NTRK2: variants seen among roughly 807,000 people sequenced by gnomAD.
The protein encoded by NTRK2 is neurotrophic receptor tyrosine kinase 2.
Under a neutral mutation model 94.5 loss-of-function variants are expected in NTRK2, and 13 were observed. The observed-to-expected ratio is 0.14, with a 90% CI of 0.09 to 0.22. The LOEUF is 0.22. Ranked by LOEUF, NTRK2 falls within the 10% of genes least tolerant of loss-of-function variation. NTRK2 has a pLI of 1.00. For synonymous variants in NTRK2, 372 were observed against 407.4 expected (o/e 0.91, Z 1.05); for missense variants, 639 against 1,071.2 (o/e 0.60, Z 5.63).
intron 14 of NTRK2, among the ~76,000 whole-genome samples, chr9:84,915,949 C>T (rs2077380155): frequency 6.6e-6 from 1 of 152,042 alleles, no homozygotes; most frequent in Non-Finnish European, 1.5e-5. Context: ...AGGCATTTGA[C>T]TTTGGGATAA....
chr9:84,737,589 C>T (rs2063345217), intron 9 of NTRK2, among the ~76,000 whole-genome samples: 1 of 152,136 alleles, frequency 6.6e-6, no homozygotes. Context: ...CCCTGGGAAG[C>T]TTTGTCAGGA....
chr9:84,934,470 A>G (rs116629472), intron 15 of NTRK2, among the ~76,000 whole-genome samples, 178 bp downstream of exon 15: 1 of 152,196 alleles, frequency 6.6e-6, no homozygotes, highest in Non-Finnish European at 1.5e-5. Flanking sequence ...GGCACATCCA[A>G]CTGTCAGAGG....
intron 12 of NTRK2, among the ~76,000 whole-genome samples, chr9:84,766,673 C>A (rs555751535): frequency 1.3e-4 from 19 of 151,916 alleles, no homozygotes; most frequent in South Asian, 6.3e-4. Flanking sequence ...ACTCAACACA[C>A]AAACACACAC....
chr9:84,717,575 A>T (rs1056293862), intron 6 of NTRK2, among the ~76,000 whole-genome samples: 4 of 152,244 alleles, frequency 2.6e-5, no homozygotes, highest in Non-Finnish European at 5.9e-5. Flanking sequence ...CTATTTAGTC[A>T]TAATACTTGA....
chr9:84,832,643 G>A (rs1395553706), intron 12 of NTRK2, among the ~76,000 whole-genome samples: 1 of 152,180 alleles, frequency 6.6e-6, no homozygotes, highest in South Asian at 2.1e-4. Context: ...GGCTCCAGCT[G>A]TGTATTACGC....
At chr9:84,785,225 C>T (rs1259347511) in intron 12 of NTRK2, among the ~76,000 whole-genome samples, 1 of 152,168 alleles carries the variant, frequency 6.6e-6, no homozygotes, top group Non-Finnish European at 1.5e-5. Context: ...CTCCTCCCAC[C>T]CTCCATCACA....
chr9:84,958,077 C>T lies in NTRK2; in HGVS notation c.2172+2560C>T, dbSNP rs187641265. On this transcript the variant is annotated intron_variant, in intron 17 of 18. Coordinates refer to ENST00000277120, the MANE Select transcript of NTRK2 (RefSeq NM_006180.6). The stretch of plus-strand genomic sequence containing the variant: ...AGACAGGAAGTAGATTAATGGTTAC[C>T]GGGAGATGGGGGCAGGGAAGAATGG... 1.7e-3 allele frequency among the ~76,000 whole-genome samples: 261 copies of T among 151,846 alleles called. 1 individual carries two copies. The highest frequency in any genetic ancestry group is 2.8e-3 in the Non-Finnish European group (192 of 67,950).
At chr9:84,682,973 C>T (rs552609661) in intron 2 of NTRK2, among the ~76,000 whole-genome samples, 1 of 152,146 alleles carries the variant, frequency 6.6e-6, no homozygotes, top group African/African-American at 2.4e-5. Flanking sequence ...CTTGTGTCCT[C>T]ACATGGCAGA....
rs1832200356 is a variant in NTRK2 at position 85,016,138 on chromosome 9, G to C, written c.2173-4068G>C. On this transcript the variant is annotated intron_variant, in intron 17 of 18. Coordinates refer to ENST00000277120, the MANE Select transcript of NTRK2 (RefSeq NM_006180.6). ...TGATTACGGTGGCACTGAGGTGGTG[G>C]GTGATTCCGGAACCACGGCGTTTTT... Among the ~76,000 whole-genome samples the C allele has an allele frequency of 4.6e-5, 7 of 152,258 alleles. No individual in the cohort carries two copies. In the South Asian group the frequency reaches 1.2e-3, roughly 27 times the overall value.
At chr9:84,968,981 T>C (rs1825879329) in intron 17 of NTRK2, among the ~76,000 whole-genome samples, 1 of 152,226 alleles carries the variant, frequency 6.6e-6, no homozygotes, top group South Asian at 2.1e-4. Context: ...TGTGGGGGCA[T>C]ATATGATACA....
At chr9:84,716,400 T>C (rs1234391669) in intron 6 of NTRK2, among the ~76,000 whole-genome samples, 1 of 152,218 alleles carries the variant, frequency 6.6e-6, no homozygotes, top group African/African-American at 2.4e-5. Flanking sequence ...AGAATTACTT[T>C]TGGTTTCAAC....
chr9:84,918,746 G>A (rs891361998), intron 14 of NTRK2, among the ~76,000 whole-genome samples: 5 of 152,122 alleles, frequency 3.3e-5, no homozygotes, highest in African/African-American at 7.2e-5. Context: ...TAATTCTTTC[G>A]TTCCGATTAT....
At chr9:84,809,898 A>AG (rs1027707288) in intron 12 of NTRK2, among the ~76,000 whole-genome samples, 2 of 150,660 alleles carry the variant, frequency 1.3e-5, no homozygotes, top group African/African-American at 2.5e-5. Context: ...AAAAAAAAAA[A>AG]AAAAGAAAGA....
intron 2 of NTRK2, among the ~76,000 whole-genome samples, chr9:84,692,172 A>G (rs1170311144): frequency 6.6e-6 from 1 of 152,146 alleles, no homozygotes; most frequent in Non-Finnish European, 1.5e-5. Context: ...GACCTATGAA[A>G]GATCTGAGAC....
At chr9:84,995,783 GA>G (rs1829682952) in intron 17 of NTRK2, among the ~76,000 whole-genome samples, 1 of 152,218 alleles carries the variant, frequency 6.6e-6, no homozygotes, top group Non-Finnish European at 1.5e-5. Context: ...CAACTAAACA[GA>G]AACTCGAGGT....
chr9:84,728,799 G>A (rs780467037), intron 9 of NTRK2, among the ~76,000 whole-genome samples: 8 of 152,226 alleles, frequency 5.3e-5, no homozygotes, highest in Non-Finnish European at 1.2e-4. Context: ...CACAGCAGGA[G>A]CGTGTCAGTG....
chr9:84,872,811 C>T (rs1016956371), intron 14 of NTRK2: 10 of 1,064,476 alleles, frequency 9.4e-6, no homozygotes, highest in Non-Finnish European at 9.1e-6. Flanking sequence ...CCAGCTAGGC[C>T]TGAGGAAAGA....
chr9:84,722,402 A>G (rs1220715893), intron 6 of NTRK2, among the ~76,000 whole-genome samples: 1 of 152,150 alleles, frequency 6.6e-6, no homozygotes, highest in Non-Finnish European at 1.5e-5. Context: ...ACATGATAAG[A>G]GAAAGGTTTA....
chr9:84,702,141 C>T lies in NTRK2; in HGVS notation c.213-18C>T. The T allele has an allele frequency of 6.2e-7, 1 of 1,611,352 alleles. No individual in the cohort carries two copies. The highest frequency in any genetic ancestry group is 8.5e-7 in the Non-Finnish European group (1 of 1,177,570). On this transcript the variant is annotated intron_variant, in intron 2 of 18. Transcript: ENST00000277120. Reference sequence around the variant, plus strand: ...CTACATTCTGAGTCACTGCGATTCACTCTCTGCTTTGTTACAGTTTCATCG... The same window carrying T: ...CTACATTCTGAGTCACTGCGATTCATTCTCTGCTTTGTTACAGTTTCATCG...
Sources: allele counts gnomAD v4.1 joint callset (sites outside exome capture counted in the v4.1 genomes callset), GRCh38; gene constraint gnomAD v4.1.1; transcripts MANE v1.5; gene names NCBI Gene and HGNC (gene_info 2026-07-23, HGNC 2026-07-21).